Variants in SORCS1 observed in about 807,000 individuals in gnomAD.
SORCS1 encodes the protein sortilin related VPS10 domain containing receptor 1.
A neutral mutation model predicts 146.1 loss-of-function variants in SORCS1; 60 were observed. That is an observed-to-expected ratio of 0.41 (90% confidence interval 0.33 to 0.51). SORCS1 has a LOEUF of 0.51. Among genes scored for constraint, SORCS1 ranks in the 20% least tolerant of loss-of-function variants. The pLI, the probability that SORCS1 is intolerant of heterozygous loss-of-function variation, is 0.21. For synonymous variants in SORCS1, 637 were observed against 584.0 expected (o/e 1.09, Z -1.31); for missense variants, 1,352 against 1,487.6 (o/e 0.91, Z 1.50).
At chr10:106,762,179 C>A (rs942256816) in intron 4 of SORCS1, among the ~76,000 whole-genome samples, 1 of 151,960 alleles carries the variant, frequency 6.6e-6, no homozygotes, top group Non-Finnish European at 1.5e-5. Flanking sequence ...ACAGCTGGGA[C>A]CTGAACGAAT....
intron 18 of SORCS1, among the ~76,000 whole-genome samples, chr10:106,643,793 T>C (rs1849228381): frequency 6.6e-6 from 1 of 152,172 alleles, no homozygotes. Flanking sequence ...GAAAGCAGAG[T>C]TGAACAGATG....
At chr10:107,026,177 T>G (rs1391507904) in intron 1 of SORCS1, among the ~76,000 whole-genome samples, 2 of 152,342 alleles carry the variant, frequency 1.3e-5, no homozygotes, top group South Asian at 2.1e-4. Context: ...TTGGAATGTT[T>G]CAGAAAGTTT....
At chr10:107,159,578 C>T (rs1347324222) in intron 1 of SORCS1, among the ~76,000 whole-genome samples, 1 of 152,158 alleles carries the variant, frequency 6.6e-6, no homozygotes, top group East Asian at 1.9e-4. Context: ...GAAAAAACCT[C>T]CGAAAGATAT....
At chr10:106,764,779 T>C (rs1333893578) in intron 4 of SORCS1, among the ~76,000 whole-genome samples, 1 of 152,060 alleles carries the variant, frequency 6.6e-6, no homozygotes, top group African/African-American at 2.4e-5. Flanking sequence ...ATCCCAGCAC[T>C]TTGGGAGGGC....
chr10:106,850,059 C>A (rs1949487176), intron 2 of SORCS1, among the ~76,000 whole-genome samples: 1 of 152,136 alleles, frequency 6.6e-6, no homozygotes. Context: ...GCCCTGCCCC[C>A]AGAGGTGGAG....
chr10:106,749,838 G>C (rs950169771), intron 5 of SORCS1, among the ~76,000 whole-genome samples: 4 of 152,052 alleles, frequency 2.6e-5, no homozygotes, highest in Non-Finnish European at 4.4e-5. Context: ...GAGTATACGA[G>C]GAAGATACTC....
At chr10:106,962,226 C>T (rs1229918366) in intron 1 of SORCS1, among the ~76,000 whole-genome samples, 2 of 151,560 alleles carry the variant, frequency 1.3e-5, no homozygotes, top group Non-Finnish European at 2.9e-5. Context: ...ATGGAGAAAC[C>T]CCATCTCCAT....
intron 3 of SORCS1, among the ~76,000 whole-genome samples, chr10:106,809,672 C>CTATA (rs756324806): frequency 1.3e-5 from 2 of 151,504 alleles, no homozygotes; most frequent in Non-Finnish European, 2.9e-5. Flanking sequence ...CTCCCCTTCA[C>CTATA]TATATATATA....
intron 13 of SORCS1, among the ~76,000 whole-genome samples, chr10:106,675,358 T>C (rs950369144): frequency 1.5e-4 from 23 of 152,278 alleles, no homozygotes; most frequent in Admixed American, 6.5e-4. Flanking sequence ...GACACAGATG[T>C]ATTAAAACAT....
intron 1 of SORCS1, among the ~76,000 whole-genome samples, chr10:107,014,005 C>T (rs1957788742): frequency 6.6e-6 from 1 of 151,992 alleles, no homozygotes; most frequent in Non-Finnish European, 1.5e-5. Flanking sequence ...TGCCTGTAAT[C>T]CCAGGACTCG....
intron 2 of SORCS1, among the ~76,000 whole-genome samples, chr10:106,906,052 A>C (rs1951895893): frequency 6.6e-6 from 1 of 152,236 alleles, no homozygotes; most frequent in African/African-American, 2.4e-5. Context: ...CACTTGTATT[A>C]GTCCGTTTTC....
Position 107,058,564 on chromosome 10 carries a change from C to T in SORCS1, c.559-101984G>A, listed in dbSNP as rs532035739. Reference sequence around the variant, plus strand: ...TTACTATCTCAGGAAGTAGGAATTCCCAGTGCATAATGCCTGAGTTTGAAT... The same window carrying T: ...TTACTATCTCAGGAAGTAGGAATTCTCAGTGCATAATGCCTGAGTTTGAAT... On this transcript the variant is annotated intron_variant, in intron 1 of 25. Transcript: ENST00000263054. 5.3e-5 allele frequency among the ~76,000 whole-genome samples: 8 copies of T among 152,266 alleles called. No homozygotes were observed. The South Asian group carries it at 1.7e-3, about 32-fold the overall frequency.
chr10:106,680,687 T>A (rs889161218), intron 10 of SORCS1, among the ~76,000 whole-genome samples: 1 of 152,170 alleles, frequency 6.6e-6, no homozygotes, highest in Non-Finnish European at 1.5e-5. Context: ...TTGTACTGAG[T>A]TGTCAAAAAA....
intron 3 of SORCS1, among the ~76,000 whole-genome samples, chr10:106,793,167 G>C (rs569190513): frequency 6.6e-6 from 1 of 152,190 alleles, no homozygotes; most frequent in South Asian, 2.1e-4. Context: ...ACTAGAACAC[G>C]GAAAAGCACT....
chr10:106,760,733 ACACG>A (rs751781612), intron 5 of SORCS1, among the ~76,000 whole-genome samples: 2 of 148,640 alleles, frequency 1.3e-5, no homozygotes, highest in Non-Finnish European at 3.0e-5. Context: ...ACACACACAC[ACACG>A]CACATTTGGC....
chr10:107,134,021 C>T (rs1456403571), intron 1 of SORCS1, among the ~76,000 whole-genome samples: 1 of 152,112 alleles, frequency 6.6e-6, no homozygotes, highest in African/African-American at 2.4e-5. Context: ...GAATTCTCTC[C>T]CTATGCACTG....
intron 1 of SORCS1, among the ~76,000 whole-genome samples, chr10:107,121,985 A>G (rs1966439186): frequency 6.6e-6 from 1 of 152,192 alleles, no homozygotes; most frequent in Non-Finnish European, 1.5e-5. Flanking sequence ...ACCTCCAAAA[A>G]TTAGTTTGGT....
At chr10:106,868,393 C>T (rs1950295615) in intron 2 of SORCS1, among the ~76,000 whole-genome samples, 1 of 152,134 alleles carries the variant, frequency 6.6e-6, no homozygotes, top group African/African-American at 2.4e-5. Context: ...ACAGAATATA[C>T]ATTCTTCTCA....
At chr10:107,117,977 A>G (rs1966146540) in intron 1 of SORCS1, among the ~76,000 whole-genome samples, 1 of 152,126 alleles carries the variant, frequency 6.6e-6, no homozygotes, top group African/African-American at 2.4e-5. Flanking sequence ...TGTATTTTTC[A>G]TGTAAGAAAG....
Sources: gnomAD v4.1 joint callset for allele counts (sites outside exome capture counted in the v4.1 genomes callset) on GRCh38, gnomAD v4.1.1 for gene constraint, MANE v1.5 for transcripts, NCBI Gene and HGNC (gene_info 2026-07-23, HGNC 2026-07-21) for gene names.